LRFN2: variants seen among roughly 807,000 people sequenced by gnomAD.
LRFN2 encodes leucine-rich repeat and fibronectin type-III domain-containing protein 2.
LRFN2 carries 18 observed loss-of-function variants against 37.3 expected under a neutral mutation model. The ratio of observed to expected loss-of-function variants is 0.48; its 90% CI spans 0.33 to 0.72. The LOEUF is 0.72. LRFN2 is among the 30% of genes least tolerant of loss of function. The pLI is 0.02. For synonymous variants in LRFN2, 556 were observed against 466.6 expected (o/e 1.19, Z -2.47); for missense variants, 1,006 against 1,060.7 (o/e 0.95, Z 0.72).
chr6:40,469,540 T>A (rs899697056), intron 1 of LRFN2, among the ~76,000 whole-genome samples: 1 of 152,146 alleles, frequency 6.6e-6, no homozygotes, highest in African/African-American at 2.4e-5. Flanking sequence ...TGGAGAGTCA[T>A]CCCATAATGA....
intron 1 of LRFN2, among the ~76,000 whole-genome samples, chr6:40,469,762 C>T (rs185045832): frequency 6.6e-6 from 1 of 152,264 alleles, no homozygotes; most frequent in Non-Finnish European, 1.5e-5. Context: ...TGACTGGCCT[C>T]TCTCATGAAC....
In LRFN2 at chr6:40,465,030, A is replaced by G. The variant is rs79836377; in HGVS notation, c.-18-31899T>C. Among the ~76,000 whole-genome samples the G allele has an allele frequency of 6.5e-3, 988 of 152,318 alleles. 19 individuals carry two copies. The highest frequency in any genetic ancestry group is 0.048 in the East Asian group (250 of 5,182). ...GACTGTAAAGTAAATATTATGCTGG[A>G]TTATCCTGGGAGCATCCAATATAAT... On this transcript the variant is annotated intron_variant, in intron 1 of 2. Coordinates refer to ENST00000338305, the MANE Select transcript of LRFN2 (RefSeq NM_020737.3).
chr6:40,553,375 T>C (rs1561905362), intron 1 of LRFN2, among the ~76,000 whole-genome samples: 1 of 152,186 alleles, frequency 6.6e-6, no homozygotes, highest in South Asian at 2.1e-4. Context: ...GTGTAAGGGC[T>C]TAAAGCCACA....
intron 1 of LRFN2, among the ~76,000 whole-genome samples, chr6:40,542,726 C>A (rs1766579272): frequency 6.6e-6 from 1 of 152,208 alleles, no homozygotes; most frequent in Admixed American, 6.5e-5. Context: ...GAATTTGGCC[C>A]TGCTACCTCT....
chr6:40,438,623 GC>G (rs1763751108), intron 1 of LRFN2, among the ~76,000 whole-genome samples: 2 of 152,328 alleles, frequency 1.3e-5, no homozygotes, highest in South Asian at 4.1e-4. Context: ...GCTTCCATGT[GC>G]CTGGCGTACA....
Position 40,403,673 on chromosome 6 carries a change from T to C in LRFN2, c.1401-10761A>G, listed in dbSNP as rs375248999. Reference sequence around the variant, plus strand: ...ACAGCCCGCAAGACAGCAGGCAGGGTTGGCATCAGCCCCTGTTGAGTTGGC... The same window carrying C: ...ACAGCCCGCAAGACAGCAGGCAGGGCTGGCATCAGCCCCTGTTGAGTTGGC... On this transcript the variant is annotated intron_variant, in intron 2 of 2. Transcript: ENST00000338305. Among the ~76,000 whole-genome samples, 27 of 152,268 alleles carry C rather than the reference T, an allele frequency of 1.8e-4. No individual in the cohort carries two copies. The South Asian group carries it at 4.4e-3, about 25-fold the overall frequency.
chr6:40,421,619 A>G (rs1447838252), intron 2 of LRFN2, among the ~76,000 whole-genome samples: 1 of 152,170 alleles, frequency 6.6e-6, no homozygotes, highest in East Asian at 1.9e-4. Context: ...AATAGATTGT[A>G]AATGTTTCTT....
chr6:40,557,817 A>G (rs2113927441), intron 1 of LRFN2, among the ~76,000 whole-genome samples: 1 of 152,336 alleles, frequency 6.6e-6, no homozygotes, highest in African/African-American at 2.4e-5. Context: ...GCAAAGTTTA[A>G]GTGGGTTAAT....
chr6:40,505,186 C>T (rs1218051124), intron 1 of LRFN2, among the ~76,000 whole-genome samples: 2 of 152,126 alleles, frequency 1.3e-5, no homozygotes, highest in African/African-American at 4.8e-5. Flanking sequence ...TGGGGTCTCC[C>T]GGGATTCTGT....
chr6:40,417,182 G>A (rs1344615790), intron 2 of LRFN2, among the ~76,000 whole-genome samples: 1 of 152,226 alleles, frequency 6.6e-6, no homozygotes, highest in Non-Finnish European at 1.5e-5. Context: ...GAGCAAAGCA[G>A]CCTTGGGAAG....
rs776519359 is a variant in LRFN2, at chr6:40,392,529, G to A, written c.1784C>T (p.Pro595Leu). 88 of 1,570,638 alleles carry A rather than the reference G, an allele frequency of 5.6e-5. No individual in the cohort carries two copies. Among genetic ancestry groups the A allele is most frequent in the Non-Finnish European group, 3.9e-5 (45 of 1,160,794 alleles). ...PPPSSAPAGAPPQGPPKVVVR... is the reference protein window; with the variant it reads ...PPPSSAPAGALPQGPPKVVVR... ...CACCACCTTCGGCGGGCCCTGCGGC[G>A]GGGCCCCGGCTGGTGCGCTGCTTGG... The change falls in exon 3 of 3, where the codon CCG becomes CTG. Residue 595 changes from proline to leucine, a missense_variant. Pro to Leu is a moderately conservative substitution (Grantham distance 98). Around this residue, in one of 4 missense-constraint regions of LRFN2, gnomAD observed 398 missense variants for 327.6 expected, o/e 1.21. Coordinates refer to ENST00000338305, the MANE Select transcript of LRFN2 (RefSeq NM_020737.3). This position sits in a 1 kb window ranked among gnomAD's most constrained non-coding sequence, Gnocchi z 4.7.
intron 2 of LRFN2, among the ~76,000 whole-genome samples, chr6:40,417,882 C>G (rs1581689637): frequency 6.6e-6 from 1 of 152,184 alleles, no homozygotes; most frequent in Non-Finnish European, 1.5e-5. Flanking sequence ...GCAACAGGGT[C>G]TCAAGATACA....
intron 1 of LRFN2, among the ~76,000 whole-genome samples, chr6:40,478,685 C>T (rs1457963782): frequency 6.6e-6 from 1 of 152,218 alleles, no homozygotes; most frequent in African/African-American, 2.4e-5. Flanking sequence ...GAGCTAGGTA[C>T]TCTGGCATCC....
chr6:40,502,593 A>T (rs1256665410), intron 1 of LRFN2, among the ~76,000 whole-genome samples: 1 of 152,206 alleles, frequency 6.6e-6, no homozygotes, highest in South Asian at 2.1e-4. Context: ...GGCAAGTCAC[A>T]AATGGGACAT....
At chr6:40,492,484 C>T (rs1336416298) in intron 1 of LRFN2, among the ~76,000 whole-genome samples, 3 of 152,186 alleles carry the variant, frequency 2.0e-5, no homozygotes, top group East Asian at 1.9e-4. Context: ...ATGGATCTGG[C>T]GTATGTGTGC....
chr6:40,557,725 C>G (rs1458620603), intron 1 of LRFN2, among the ~76,000 whole-genome samples: 1 of 152,112 alleles, frequency 6.6e-6, no homozygotes, highest in East Asian at 1.9e-4. Flanking sequence ...GCTATGGGAC[C>G]TCACTCTTCC....
chr6:40,456,376 T>C (rs536189667), intron 1 of LRFN2, among the ~76,000 whole-genome samples: 2 of 152,202 alleles, frequency 1.3e-5, no homozygotes, highest in Non-Finnish European at 2.9e-5. Flanking sequence ...AATGAACTCC[T>C]AGGAAATGAA....
At chr6:40,537,227 G>T (rs1184342776) in intron 1 of LRFN2, among the ~76,000 whole-genome samples, 3 of 152,224 alleles carry the variant, frequency 2.0e-5, no homozygotes, top group Admixed American at 1.3e-4. Flanking sequence ...CATCACCCTA[G>T]ATGTGTAAGG....
At chr6:40,569,244 C>T (rs1474219162) in intron 1 of LRFN2, among the ~76,000 whole-genome samples, 1 of 152,158 alleles carries the variant, frequency 6.6e-6, no homozygotes, top group African/African-American at 2.4e-5. Context: ...GGGAGAAGCC[C>T]TGGAGGATGG....
Sources: allele counts gnomAD v4.1 joint callset (sites outside exome capture counted in the v4.1 genomes callset), GRCh38; gene constraint gnomAD v4.1.1; regional missense constraint gnomAD v4.1.1; non-coding constraint Gnocchi (gnomAD v3.1); transcripts MANE v1.5; gene names NCBI Gene and HGNC (gene_info 2026-07-23, HGNC 2026-07-21).